The following CBARP variants were observed in gnomAD, a reference collection of about 807,000 sequenced individuals.
The protein encoded by CBARP is CACN subunit beta associated regulatory protein.
A neutral mutation model predicts 36.3 loss-of-function variants in CBARP; 24 were observed. The ratio of observed to expected loss-of-function variants is 0.66; its 90% CI spans 0.48 to 0.93. CBARP has a LOEUF of 0.93. CBARP is among the 40% of genes least tolerant of loss of function. The pLI is 0.00. For synonymous variants in CBARP, 586 were observed against 453.2 expected (o/e 1.29, Z -3.72); for missense variants, 1,146 against 980.4 (o/e 1.17, Z -2.26).
Position 1,233,487 on chromosome 19 carries a change from A to C in CBARP, c.918T>G (p.Tyr306Ter). The change falls in exon 8 of 10, where the codon TAT (tyrosine) becomes TAG (stop). Residue 306 changes from tyrosine (Y) to a stop codon, truncating the protein, a stop_gained. Coordinates refer to ENST00000650044, the MANE Select transcript of CBARP (RefSeq NM_001393918.1). LOFTEE classifies it high-confidence loss of function. ...RHASLDGASP[Y>*]FKVKKWKLEP... The stretch of plus-strand genomic sequence containing the variant: ...CCAGCTTCCACTTCTTGACCTTGAA[A>C]TAGGGGCTGGCCCCATCCAGGCTGG... The C allele has an allele frequency of 6.2e-7, 1 of 1,605,956 alleles. No homozygotes were observed. Among genetic ancestry groups the C allele is most frequent in the Non-Finnish European group, 8.5e-7 (1 of 1,176,918 alleles).
chr19:1,235,826 G>A lies in CBARP; in HGVS notation c.198C>T (p.Val66=). Residue 66 remains valine, a synonymous_variant, in exon 3 of 10, where the codon GTC becomes GTT. Transcript: ENST00000650044. ...VGGTLVVLSG[V]LLLCKRCWDV... ...CCCAGCAGCGCTTGCAGAGGAGCAG[G>A]ACGCCAGACAACACCACCAGCGTGC... The A allele has an allele frequency of 6.2e-7, 1 of 1,610,740 alleles. No homozygotes were observed. Among genetic ancestry groups the A allele is most frequent in the Non-Finnish European group, 8.5e-7 (1 of 1,179,914 alleles).
chr19:1,235,677 T>C (rs2080959576), intron 3 of CBARP, 102 bp downstream of exon 3: 1 of 1,593,558 alleles, frequency 6.3e-7, no homozygotes, highest in Middle Eastern at 1.7e-4. Flanking sequence ...TCCAGAGGCA[T>C]AGCCCACCCT....
At chr19:1,233,048 C>G (rs573956544) in intron 8 of CBARP, among the ~76,000 whole-genome samples, 2 of 152,232 alleles carry the variant, frequency 1.3e-5, no homozygotes, top group Non-Finnish European at 2.9e-5. Flanking sequence ...GGATGAGAGC[C>G]GAGCATGGCT....
In CBARP at chr19:1,230,121, C is replaced by G. The variant is rs1274218643; in HGVS notation, c.1176G>C (p.Ala392=). The part of the protein sequence containing the change: ...ALGRLEAAEA[A]GGASPDSPPE... ...GGGGGGAATCGGGGCTCGCTCCTCC[C>G]GCTGCCTCGGCCGCCTCTAGCCTGC... Residue 392 remains alanine, a synonymous_variant, in exon 10 of 10, where the codon GCG becomes GCC. Transcript: ENST00000650044. 2 of 1,049,648 alleles carry G rather than the reference C, an allele frequency of 1.9e-6. No homozygotes were observed. The highest frequency in any genetic ancestry group is 2.3e-6 in the Non-Finnish European group (2 of 867,140). The allele number at this position is 1,049,648 out of a possible 1,614,324, so 65.0% of individuals were successfully genotyped here. A position where few individuals can be genotyped will look rare whatever the true frequency, so the allele number is the denominator to read the frequency against.
Position 1,234,207 on chromosome 19 carries a change from G to C in CBARP, c.752C>G (p.Ser251Cys), listed in dbSNP as rs1160314910. Residue 251 changes from serine (S) to cysteine (C), a missense_variant, in exon 7 of 10, where the codon TCT (serine) becomes TGT (cysteine). Physicochemically the swap from Ser to Cys is moderately radical, Grantham distance 112 (BLOSUM62 -1). Coordinates refer to ENST00000650044, the MANE Select transcript of CBARP (RefSeq NM_001393918.1). ...GGCCCTCACCGAGGTGCCTTCCCCA[G>C]AGTCGCTAGATGCCGAGGGGCTGAT... ...AEISPSASSD[S>C]GEGTSLDAGT... 6.6e-7 allele frequency: 1 copy of C among 1,524,198 alleles called. No individual in the cohort carries two copies. The highest frequency in any genetic ancestry group is 8.8e-7 in the Non-Finnish European group (1 of 1,140,158). 94.4% of individuals were successfully genotyped at this position (1,524,198 alleles called of 1,614,324 possible). A position where few individuals can be genotyped will look rare whatever the true frequency, so the allele number is the denominator to read the frequency against.
rs2080847608 is a variant in CBARP, at chr19:1,228,579, G to C, written c.*600C>G. ...GGCCGGCGGCAGCAGCGGTGGCGGC[G>C]CGGTTATTGCTCGGAGGCGGCGCGG... On this transcript the variant is annotated 3_prime_UTR_variant, in exon 10 of 10. Coordinates refer to ENST00000650044, the MANE Select transcript of CBARP (RefSeq NM_001393918.1). The C allele has an allele frequency of 5.9e-6, 1 of 169,252 alleles. No homozygotes were observed. Among genetic ancestry groups the C allele is most frequent in the Non-Finnish European group, 1.3e-5 (1 of 78,010 alleles). The allele number at this position is 169,252 out of a possible 1,614,324, so 10.5% of individuals were successfully genotyped here.
chr19:1,231,882 G>A (rs2080898993), intron 8 of CBARP, among the ~76,000 whole-genome samples: 1 of 152,022 alleles, frequency 6.6e-6, no homozygotes, highest in South Asian at 2.1e-4. Flanking sequence ...AAGGGCCTCT[G>A]GCACCGATAG....
intron 9 of CBARP, 33 bp downstream of exon 9, chr19:1,231,068 C>A (rs748285437): frequency 6.3e-7 from 1 of 1,582,318 alleles, no homozygotes; most frequent in East Asian, 2.3e-5. Context: ...GCCCACAGGT[C>A]CACCCCTAGC....
Position 1,231,293 on chromosome 19 carries a change from C to G in CBARP, c.980-18G>C, listed in dbSNP as rs750635988. 43 of 1,594,890 alleles carry G rather than the reference C, an allele frequency of 2.7e-5. No homozygotes were observed. The highest frequency in any genetic ancestry group is 3.4e-5 in the Non-Finnish European group (40 of 1,176,934). On this transcript the variant is annotated intron_variant, in intron 8 of 9. Transcript: ENST00000650044. ...GGGGGAACCTGCGCACGGGATGTGCCGTAAGCGTCAGCCGGCATGTGCCTC... is the reference window on the plus strand; with the variant it reads ...GGGGGAACCTGCGCACGGGATGTGCGGTAAGCGTCAGCCGGCATGTGCCTC...
chr19:1,235,423 A>G, intron 4 of CBARP, 78 bp downstream of exon 4: 1 of 1,407,650 alleles, frequency 7.1e-7, no homozygotes, highest in South Asian at 1.3e-5. Flanking sequence ...ACAGACGGTC[A>G]GGCAGCCCGA....
At chr19:1,231,697 C>T (rs2080896921) in intron 8 of CBARP, among the ~76,000 whole-genome samples, 1 of 151,554 alleles carries the variant, frequency 6.6e-6, no homozygotes, top group Admixed American at 6.6e-5. Flanking sequence ...CTCACACACA[C>T]AGGAGTGGGC....
intron 1 of CBARP, among the ~76,000 whole-genome samples, 151 bp downstream of exon 1, chr19:1,237,605 C>G (rs2080993094): frequency 6.6e-6 from 1 of 151,920 alleles, no homozygotes. Context: ...CCTCTGGAGG[C>G]AGCCGGGTGG....
rs1028163269 is a variant in CBARP at position 1,231,170 on chromosome 19, C to T, written c.1085G>A (p.Arg362Gln). The T allele has an allele frequency of 5.6e-6, 9 of 1,600,562 alleles. No homozygotes were observed. Among genetic ancestry groups the T allele is most frequent in the African/African-American group, 2.7e-5 (2 of 74,786 alleles). Residue 362 changes from arginine (R) to glutamine (Q), a missense_variant, in exon 9 of 10, where the codon CGG becomes CAG. By Grantham distance (43) the Arg-to-Gln change is conservative. Transcript: ENST00000650044. ...PQEDFIQYIARAGDAVAFPHP... is the reference protein window; with the variant it reads ...PQEDFIQYIAQAGDAVAFPHP... ...CGGGAAGGCCACGGCGTCGCCCGCC[C>T]GGGCAATGTACTGGATGAAGTCCTC...
Position 1,231,163 on chromosome 19 carries a change from G to A in CBARP, c.1092C>T (p.Gly364=), listed in dbSNP as rs752648961. The A allele has an allele frequency of 1.1e-5, 18 of 1,599,886 alleles. No homozygotes were observed. The highest frequency in any genetic ancestry group is 6.7e-5 in the East Asian group (3 of 44,644). ...EDFIQYIARA[G]DAVAFPHPRP... is the part of the protein sequence containing the mutation. ...GGGGGTGCGGGAAGGCCACGGCGTC[G>A]CCCGCCCGGGCAATGTACTGGATGA... The change falls in exon 9 of 10, where the codon GGC becomes GGT. Residue 364 remains glycine (G), a synonymous_variant. Coordinates refer to ENST00000650044, the MANE Select transcript of CBARP (RefSeq NM_001393918.1).
At chr19:1,236,172 G>A in intron 1 of CBARP, 51 bp from the exon 2 acceptor site, 2 of 1,368,538 alleles carry the variant, frequency 1.5e-6, no homozygotes, top group East Asian at 3.0e-5. Flanking sequence ...TCTCCTGCAG[G>A]AGCCACTGCA....
In CBARP at chr19:1,229,292, G is replaced by A. The variant is rs1160213319; in HGVS notation, c.2005C>T (p.Leu669=). The change falls in exon 10 of 10, where the codon CTG becomes TTG. Residue 669 remains leucine (L), a synonymous_variant. Transcript: ENST00000650044. The surrounding 1 kb of genome is among the most constrained non-coding windows in gnomAD (Gnocchi z 5.1). ...AGTCTCTCGTCGAGGCCAGCCGCCA[G>A]CTTGTCCAGCACCGACCCGGATGGT... ...VLPSGSVLDK[L]AAGLDERLFP... The A allele has an allele frequency of 2.4e-6, 3 of 1,260,370 alleles. No individual in the cohort carries two copies. The highest frequency in any genetic ancestry group is 3.1e-6 in the Non-Finnish European group (3 of 978,836). 78.1% of individuals were successfully genotyped at this position (1,260,370 alleles called of 1,614,324 possible).
chr19:1,231,500 CAT>C (rs2145448962), intron 8 of CBARP, among the ~76,000 whole-genome samples: 1 of 108,312 alleles, frequency 9.2e-6, no homozygotes, highest in African/African-American at 3.6e-5. Flanking sequence ...CATACACACA[CAT>C]AGAACGCCTG....
At chr19:1,232,594 C>CT (rs1245153721) in intron 8 of CBARP, among the ~76,000 whole-genome samples, 1 of 152,216 alleles carries the variant, frequency 6.6e-6, no homozygotes, top group Non-Finnish European at 1.5e-5. Context: ...ACTCCTGCCT[C>CT]GAGCCCAGAT....
chr19:1,229,625 G>A lies in CBARP; in HGVS notation c.1672C>T (p.Pro558Ser), dbSNP rs1450889041. ...GCAGCCGGCGTGTCGTCGAAGTGCG[G>A]GTCGTGGCGCAGGAACTCGTGGAAC... ...ALFHEFLRHD[P>S]HFDDTPAAAR... is the part of the protein sequence containing the mutation. The change falls in exon 10 of 10, where the codon CCG becomes TCG. Residue 558 changes from proline (P) to serine (S), a missense_variant. Pro to Ser is a moderately conservative substitution (Grantham distance 74, BLOSUM62 -1). Transcript: ENST00000650044. The surrounding 1 kb of genome is among the most constrained non-coding windows in gnomAD (Gnocchi z 5.1). 21 of 1,202,274 alleles carry A rather than the reference G, an allele frequency of 1.7e-5. No individual in the cohort carries two copies. Among genetic ancestry groups the A allele is most frequent in the Non-Finnish European group, 2.0e-5 (19 of 948,498 alleles). The allele number at this position is 1,202,274 out of a possible 1,614,324, so 74.5% of individuals were successfully genotyped here.
Sources: gnomAD v4.1 joint callset for allele counts (sites outside exome capture counted in the v4.1 genomes callset) on GRCh38, gnomAD v4.1.1 for gene constraint, Gnocchi (gnomAD v3.1) non-coding constraint, MANE v1.5 for transcripts, NCBI Gene and HGNC (gene_info 2026-07-23, HGNC 2026-07-21) for gene names.